Variants in HECTD4 observed in about 807,000 individuals in gnomAD.
HECTD4 encodes the protein probable E3 ubiquitin-protein ligase HECTD4.
HECTD4 carries 114 observed loss-of-function variants against 471.5 expected under a neutral mutation model. The ratio of observed to expected loss-of-function variants is 0.24; its 90% CI spans 0.21 to 0.28. The LOEUF (loss-of-function observed/expected upper bound fraction) is 0.28, where lower values mean the gene tolerates loss of function less well. Ranked by LOEUF, HECTD4 falls within the 10% of genes least tolerant of loss-of-function variation. The probability of loss-of-function intolerance (pLI) is 1.00; values close to 1 mark genes in which losing one functional copy is unlikely to be tolerated. For synonymous variants in HECTD4, 2,012 were observed against 2,256.0 expected (o/e 0.89, Z 3.07); for missense variants, 3,866 against 5,651.5 (o/e 0.68, Z 10.13).
Position 112,185,266 on chromosome 12 carries a change from C to G in HECTD4, c.9700G>C (p.Gly3234Arg). 1 of 1,550,318 alleles carries G rather than the reference C, an allele frequency of 6.5e-7. No homozygotes were observed. The highest frequency in any genetic ancestry group is 8.7e-7 in the Non-Finnish European group (1 of 1,146,578). Residue 3234 changes from glycine to arginine, a missense_variant, in exon 61 of 76, where the codon GGC becomes CGC. Coordinates refer to ENST00000682272, the MANE Select transcript of HECTD4 (RefSeq NM_001388303.1). ...DEETQNWVSG[G>R]ACGGSGGAAA... ...GCCCCCCCGGAGCCCCCGCAGGCGC[C>G]GCCTGAGACCCAGTTCTGCGTCTCC...
chr12:112,173,338 G>A lies in HECTD4; in HGVS notation c.11595-477C>T, dbSNP rs976693314. 1.3e-5 allele frequency among the ~76,000 whole-genome samples: 2 copies of A among 151,694 alleles called. No individual in the cohort carries two copies. Among genetic ancestry groups the A allele is most frequent in the South Asian group, 2.1e-4 (1 of 4,790 alleles). On this transcript the variant is annotated intron_variant, in intron 66 of 75. Transcript: ENST00000682272. The surrounding 1 kb of genome is among the most constrained non-coding windows in gnomAD (Gnocchi z 4.3). ...CCCCAGTAGCTGGGACCACAAGTGCGAGCCACTTTGCTTGCCTAATTTTAA... is the reference window on the plus strand; with the variant it reads ...CCCCAGTAGCTGGGACCACAAGTGCAAGCCACTTTGCTTGCCTAATTTTAA...
At position 112,167,929 on chromosome 12, in the gene HECTD4, A is replaced by G. The variant is rs762875284; in HGVS notation, c.12209-12T>C. ...GCGGAAAGAGCCGCCTGTAGGACAGACGAGACACATGGGCACCTGGGGTGT... is the reference window on the plus strand; with the variant it reads ...GCGGAAAGAGCCGCCTGTAGGACAGGCGAGACACATGGGCACCTGGGGTGT... On this transcript the variant is annotated splice_polypyrimidine_tract_variant and intron_variant, in intron 70 of 75. Coordinates refer to ENST00000682272, the MANE Select transcript of HECTD4 (RefSeq NM_001388303.1). 6.2e-7 allele frequency: 1 copy of G among 1,609,258 alleles called. No homozygotes were observed. Among genetic ancestry groups the G allele is most frequent in the Non-Finnish European group, 8.5e-7 (1 of 1,176,098 alleles).
chr12:112,187,439 T>G (rs925998680), intron 60 of HECTD4, among the ~76,000 whole-genome samples: 1 of 151,756 alleles, frequency 6.6e-6, no homozygotes, highest in Non-Finnish European at 1.5e-5. Context: ...GGTCTCATTG[T>G]GTTGTCCTGG....
chr12:112,281,846 G>A (rs1255682788), intron 8 of HECTD4, among the ~76,000 whole-genome samples: 1 of 152,002 alleles, frequency 6.6e-6, no homozygotes, highest in Non-Finnish European at 1.5e-5. Flanking sequence ...TTCTACATAT[G>A]GCATCTTTTT....
chr12:112,307,421 G>A (rs1421769446), intron 6 of HECTD4, among the ~76,000 whole-genome samples: 1 of 152,166 alleles, frequency 6.6e-6, no homozygotes, highest in African/African-American at 2.4e-5. Flanking sequence ...TGCTTTCTTG[G>A]ACAGTGTCAA....
chr12:112,312,986 A>G, intron 4 of HECTD4, 31 bp downstream of exon 4: 3 of 1,528,266 alleles, frequency 2.0e-6, no homozygotes, highest in Non-Finnish European at 1.8e-6. Context: ...ACATCTTACT[A>G]TTAATCACAG....
intron 70 of HECTD4, 77 bp downstream of exon 70, chr12:112,169,426 G>A (rs2031123731): frequency 3.5e-6 from 5 of 1,434,634 alleles, no homozygotes; most frequent in Non-Finnish European, 3.7e-6. Context: ...TGGAAATGGA[G>A]GTCTTGGGCA....
chr12:112,252,214 T>C (rs2033905869), intron 23 of HECTD4, among the ~76,000 whole-genome samples: 1 of 152,236 alleles, frequency 6.6e-6, no homozygotes, highest in Non-Finnish European at 1.5e-5. Context: ...AATAGATTTA[T>C]TTCTGTGCTG....
intron 1 of HECTD4, among the ~76,000 whole-genome samples, chr12:112,377,873 AAAAGAAAGAAAG>A (rs746157922): frequency 6.6e-6 from 1 of 152,170 alleles, no homozygotes; most frequent in Non-Finnish European, 1.5e-5. Flanking sequence ...TCGGTCTCAA[AAAAGAAAGAAAG>A]AAAGAAAGAA....
At chr12:112,299,217 G>A (rs1457708026) in intron 7 of HECTD4, among the ~76,000 whole-genome samples, 1 of 152,130 alleles carries the variant, frequency 6.6e-6, no homozygotes, top group African/African-American at 2.4e-5. Context: ...ATTTTAAGGT[G>A]AATCCCAGAC....
rs2030701211 is a variant in HECTD4, at chr12:112,161,826, A to G, written c.*561T>C. 1 of 152,272 alleles carries G rather than the reference A, an allele frequency of 6.6e-6. No homozygotes were observed. Among genetic ancestry groups the G allele is most frequent in the Non-Finnish European group, 1.5e-5 (1 of 68,088 alleles). 9.4% of individuals were successfully genotyped at this position (152,272 alleles called of 1,614,324 possible). A position where few individuals can be genotyped will look rare whatever the true frequency, so the allele number is the denominator to read the frequency against. On this transcript the variant is annotated 3_prime_UTR_variant, in exon 76 of 76. Coordinates refer to ENST00000682272, the MANE Select transcript of HECTD4 (RefSeq NM_001388303.1). The stretch of plus-strand genomic sequence containing the variant: ...CAAGACCGGGAGCAAGTTCTAAAGC[A>G]GGAAGATGAACACATAAAGCTCCCT...
At position 112,382,077 on chromosome 12, in the gene HECTD4, C is replaced by T; in HGVS notation, c.52G>A (p.Ala18Thr). ...TCTTCCTTCACCGAGAGCCACTGCGCCGAGTCAGCGGCCGCCGCCGCCGCC... is the reference window on the plus strand; with the variant it reads ...TCTTCCTTCACCGAGAGCCACTGCGTCGAGTCAGCGGCCGCCGCCGCCGCC... ...AAAAAAAADS[A>T]QWLSVKEETI... Residue 18 changes from alanine (A) to threonine (T), a missense_variant, in exon 1 of 76, where the codon GCG becomes ACG. This residue lies in a region of HECTD4 where 440 missense variants were observed against 636.0 expected (regional missense o/e 0.69). Coordinates refer to ENST00000682272, the MANE Select transcript of HECTD4 (RefSeq NM_001388303.1). 2 of 1,228,350 alleles carry T rather than the reference C, an allele frequency of 1.6e-6. No homozygotes were observed. The highest frequency in any genetic ancestry group is 1.0e-6 in the Non-Finnish European group (1 of 986,686). 76.1% of individuals were successfully genotyped at this position (1,228,350 alleles called of 1,614,324 possible).
rs896131644 is a variant in HECTD4, at chr12:112,188,165, T to C, written c.9472+2621A>G. Reference sequence around the variant, plus strand: ...TTAGCTGGGCATGGTAGCGGGCGCCTGTATTCCCAACTACTCAGGAGGCTG... The same window carrying C: ...TTAGCTGGGCATGGTAGCGGGCGCCCGTATTCCCAACTACTCAGGAGGCTG... On this transcript the variant is annotated intron_variant, in intron 60 of 75. Coordinates refer to ENST00000682272, the MANE Select transcript of HECTD4 (RefSeq NM_001388303.1). This position sits in a 1 kb window ranked among gnomAD's most constrained non-coding sequence, Gnocchi z 4.2. Among the ~76,000 whole-genome samples the C allele has an allele frequency of 1.3e-5, 2 of 152,074 alleles. No individual in the cohort carries two copies. The highest frequency in any genetic ancestry group is 2.9e-5 in the Non-Finnish European group (2 of 68,002).
At chr12:112,259,672 A>AGGTT (rs2034101234) in intron 18 of HECTD4, among the ~76,000 whole-genome samples, 1 of 152,034 alleles carries the variant, frequency 6.6e-6, no homozygotes. Flanking sequence ...GGTATGAACT[A>AGGTT]CTTAGGTTCT....
intron 7 of HECTD4, among the ~76,000 whole-genome samples, chr12:112,298,367 G>C (rs1428163102): frequency 6.6e-6 from 1 of 152,040 alleles, no homozygotes; most frequent in Non-Finnish European, 1.5e-5. Flanking sequence ...ACAGCAGGTA[G>C]TGAATACACA....
At position 112,161,224 on chromosome 12, in the gene HECTD4, T is replaced by C. The variant is rs1425289775; in HGVS notation, c.*1163A>G. 2 of 151,522 alleles carry C rather than the reference T, an allele frequency of 1.3e-5. No homozygotes were observed. The highest frequency in any genetic ancestry group is 4.9e-5 in the African/African-American group (2 of 41,012). 9.4% of individuals were successfully genotyped at this position (151,522 alleles called of 1,614,324 possible). ...TGGCCTGTGCTGCTCATGAACAAAGTACCACTGGACAAAGACCTATTTGGG... is the reference window on the plus strand; with the variant it reads ...TGGCCTGTGCTGCTCATGAACAAAGCACCACTGGACAAAGACCTATTTGGG... On this transcript the variant is annotated 3_prime_UTR_variant, in exon 76 of 76. Coordinates refer to ENST00000682272, the MANE Select transcript of HECTD4 (RefSeq NM_001388303.1).
intron 45 of HECTD4, 83 bp from the exon 46 acceptor site, chr12:112,217,278 T>A: frequency 2.5e-6 from 3 of 1,181,668 alleles, no homozygotes; most frequent in African/African-American, 1.5e-5. Flanking sequence ...AAATTTTATC[T>A]GATGGTATTA....
At position 112,163,869 on chromosome 12, in the gene HECTD4, C is replaced by T; in HGVS notation, c.12702-132G>A. 8 of 916,834 alleles carry T rather than the reference C, an allele frequency of 8.7e-6. No individual in the cohort carries two copies. Among genetic ancestry groups the T allele is most frequent in the South Asian group, 4.6e-5 (2 of 43,816 alleles). 56.8% of individuals were successfully genotyped at this position (916,834 alleles called of 1,614,324 possible). ...TGGGGCCCAGCCGCCCTGGTCATCC[C>T]AGTCCTTTCCTGCCTCTGGTGCCGC... On this transcript the variant is annotated intron_variant, in intron 73 of 75. Coordinates refer to ENST00000682272, the MANE Select transcript of HECTD4 (RefSeq NM_001388303.1). The surrounding 1 kb of genome is among the most constrained non-coding windows in gnomAD (Gnocchi z 8.2).
At chr12:112,279,491 A>C (rs2135635561) in intron 8 of HECTD4, 105 bp from the exon 9 acceptor site, 1 of 953,072 alleles carries the variant, frequency 1.0e-6, no homozygotes, top group East Asian at 2.7e-5. Context: ...ACTCAAACAA[A>C]GATTTGGAAA....
Sources: allele counts gnomAD v4.1 joint callset (sites outside exome capture counted in the v4.1 genomes callset), GRCh38; gene constraint gnomAD v4.1.1; regional missense constraint gnomAD v4.1.1; non-coding constraint Gnocchi (gnomAD v3.1); transcripts MANE v1.5; gene names NCBI Gene and HGNC (gene_info 2026-07-23, HGNC 2026-07-21).